The following TSPAN9 variants were observed in gnomAD, a reference collection of about 807,000 sequenced individuals.
The protein encoded by TSPAN9 is tetraspanin-9.
A neutral mutation model predicts 31.0 loss-of-function variants in TSPAN9; 16 were observed. The ratio of observed to expected loss-of-function variants is 0.52; its 90% CI spans 0.35 to 0.78. The LOEUF (loss-of-function observed/expected upper bound fraction) is 0.78. Ranked by LOEUF, TSPAN9 falls within the 30% of genes least tolerant of loss-of-function variation. TSPAN9 has a pLI of 0.01. For missense variants in TSPAN9, 272 were observed against 312.5 expected (o/e 0.87, Z 0.98); for synonymous variants, 145 against 121.6 (o/e 1.19, Z -1.27).
intron 2 of TSPAN9, among the ~76,000 whole-genome samples, chr12:3,109,216 G>A (rs1218360199): frequency 4.6e-5 from 7 of 151,410 alleles, no homozygotes; most frequent in East Asian, 3.9e-4. Context: ...GATTACAGGT[G>A]TGAGCCACCG....
intron 3 of TSPAN9, among the ~76,000 whole-genome samples, chr12:3,216,283 A>G (rs1029855738): frequency 6.6e-6 from 1 of 152,234 alleles, no homozygotes; most frequent in African/African-American, 2.4e-5. Context: ...CTAAGCAGCC[A>G]GATGGCTTTT....
chr12:3,122,658 G>A (rs553404173), intron 2 of TSPAN9, among the ~76,000 whole-genome samples: 1 of 152,250 alleles, frequency 6.6e-6, no homozygotes, highest in Admixed American at 6.5e-5. Flanking sequence ...TAACAGAGAG[G>A]TTTGAGTCCC....
At chr12:3,233,415 T>A (rs1293576051) in intron 3 of TSPAN9, among the ~76,000 whole-genome samples, 1 of 152,194 alleles carries the variant, frequency 6.6e-6, no homozygotes, top group Non-Finnish European at 1.5e-5. Context: ...AGGGCACCCT[T>A]CTCCTGAGGG....
intron 2 of TSPAN9, among the ~76,000 whole-genome samples, chr12:3,184,928 G>A (rs1197038345): frequency 6.6e-6 from 1 of 152,182 alleles, no homozygotes; most frequent in Admixed American, 6.5e-5. Flanking sequence ...TGCAATGGCA[G>A]ACTTCCTCCC....
At chr12:3,225,284 G>C (rs111545595) in intron 3 of TSPAN9, among the ~76,000 whole-genome samples, 13 of 152,094 alleles carry the variant, frequency 8.5e-5, no homozygotes, top group Non-Finnish European at 1.5e-4. Flanking sequence ...TGGTGTCTCT[G>C]TACCCTTAGC....
In TSPAN9 at chr12:3,145,822, A is replaced by G. The variant is rs1285648013; in HGVS notation, c.-17-55355A>G. Among the ~76,000 whole-genome samples, 6 of 152,242 alleles carry G rather than the reference A, an allele frequency of 3.9e-5. No homozygotes were observed. In the East Asian group the frequency reaches 1.2e-3, roughly 29 times the overall value. ...GTCAGGCTGGGAAATCGGAAATGAA[A>G]GGCCTGGCGTGGTGGCCAGCAAAAC... On this transcript the variant is annotated intron_variant, in intron 2 of 8. Coordinates refer to ENST00000011898, the MANE Select transcript of TSPAN9 (RefSeq NM_006675.5).
chr12:3,256,446 C>T (rs573129519), intron 3 of TSPAN9, among the ~76,000 whole-genome samples: 5 of 152,222 alleles, frequency 3.3e-5, no homozygotes, highest in Non-Finnish European at 4.4e-5. Flanking sequence ...CCGGGCACCA[C>T]ATTGGGGTGG....
In TSPAN9 at chr12:3,190,657, T is replaced by C. The variant is rs114402621; in HGVS notation, c.-17-10520T>C. Among the ~76,000 whole-genome samples the C allele has an allele frequency of 4.2e-3, 639 of 152,310 alleles. 4 individuals carry two copies. Among genetic ancestry groups the C allele is most frequent in the African/African-American group, 0.014 (600 of 41,562 alleles). Reference sequence around the variant, plus strand: ...AGGCAGACTATCAGCCCCGTTCTTCTAGGGCCCAATCTCTGCTGCCCCCTC... The same window carrying C: ...AGGCAGACTATCAGCCCCGTTCTTCCAGGGCCCAATCTCTGCTGCCCCCTC... On this transcript the variant is annotated intron_variant, in intron 2 of 8. Coordinates refer to ENST00000011898, the MANE Select transcript of TSPAN9 (RefSeq NM_006675.5).
At chr12:3,185,157 AT>A (rs1440042214) in intron 2 of TSPAN9, among the ~76,000 whole-genome samples, 2 of 152,180 alleles carry the variant, frequency 1.3e-5, no homozygotes, top group Non-Finnish European at 2.9e-5. Flanking sequence ...GCAAGTATTT[AT>A]TGAGTGTGGC....
At chr12:3,105,879 CAT>C (rs965449171) in intron 2 of TSPAN9, among the ~76,000 whole-genome samples, 2 of 152,048 alleles carry the variant, frequency 1.3e-5, no homozygotes, top group Non-Finnish European at 2.9e-5. Context: ...CTCACACACA[CAT>C]GCACACATGG....
chr12:3,091,716 G>A (rs1187542133), intron 2 of TSPAN9, among the ~76,000 whole-genome samples: 4 of 152,162 alleles, frequency 2.6e-5, no homozygotes, highest in Non-Finnish European at 5.9e-5. Flanking sequence ...GTGTTTTATT[G>A]TCTCCCTGCT....
chr12:3,185,048 T>C (rs891621825), intron 2 of TSPAN9, among the ~76,000 whole-genome samples: 3 of 152,180 alleles, frequency 2.0e-5, no homozygotes, highest in Admixed American at 6.5e-5. Flanking sequence ...ACACAGATAA[T>C]AACGAGGCTC....
chr12:3,088,454 G>A (rs908649811), intron 2 of TSPAN9, among the ~76,000 whole-genome samples: 1 of 152,204 alleles, frequency 6.6e-6, no homozygotes, highest in Non-Finnish European at 1.5e-5. Context: ...GGTGGGGCTG[G>A]GGGGGAAGCT....
At chr12:3,086,770 C>T (rs752499564) in intron 2 of TSPAN9, among the ~76,000 whole-genome samples, 1 of 152,212 alleles carries the variant, frequency 6.6e-6, no homozygotes, top group Non-Finnish European at 1.5e-5. Context: ...TGAAAAATGG[C>T]CCTTCTTCAG....
chr12:3,192,071 C>T lies in TSPAN9; in HGVS notation c.-17-9106C>T, dbSNP rs1020104177. ...GGAGGCTCTGAGGAGGTCAGAGCAC[C>T]GAGAGTTCACGGCTGTGGCAATAAT... On this transcript the variant is annotated intron_variant, in intron 2 of 8. Transcript: ENST00000011898. The surrounding 1 kb of genome is among the most constrained non-coding windows in gnomAD (Gnocchi z 4.6). Among the ~76,000 whole-genome samples the T allele has an allele frequency of 7.9e-5, 12 of 151,964 alleles. No individual in the cohort carries two copies. Among genetic ancestry groups the T allele is most frequent in the Non-Finnish European group, 1.2e-4 (8 of 68,004 alleles).
chr12:3,087,022 G>C (rs2098300869), intron 2 of TSPAN9, among the ~76,000 whole-genome samples: 1 of 152,228 alleles, frequency 6.6e-6, no homozygotes, highest in African/African-American at 2.4e-5. Flanking sequence ...TGAGGACAGT[G>C]AACAGGTGAG....
chr12:3,255,179 T>C (rs1862322745), intron 3 of TSPAN9, among the ~76,000 whole-genome samples: 2 of 152,256 alleles, frequency 1.3e-5, no homozygotes, highest in Admixed American at 1.3e-4. Flanking sequence ...ACAGTCAACC[T>C]TGGGCCTTCC....
At chr12:3,188,532 C>T (rs571288843) in intron 2 of TSPAN9, among the ~76,000 whole-genome samples, 1 of 152,200 alleles carries the variant, frequency 6.6e-6, no homozygotes, top group African/African-American at 2.4e-5. Context: ...TCCGGCTGGC[C>T]GTGGCTTCGG....
rs34675914 is a variant in TSPAN9, at chr12:3,079,771, AT to A, written c.-85+2336del. On this transcript the variant is annotated intron_variant, in intron 1 of 8. Coordinates refer to ENST00000011898, the MANE Select transcript of TSPAN9 (RefSeq NM_006675.5). Reference sequence around the variant, plus strand: ...ACCACCGTACTTAGCCCCTTCTTCTATTTTTTTTTTTTTTTTTTAGAGACAG... The same window carrying A: ...ACCACCGTACTTAGCCCCTTCTTCTATTTTTTTTTTTTTTTTTAGAGACAG... Among the ~76,000 whole-genome samples, 613 of 129,650 alleles carry A rather than the reference AT, an allele frequency of 4.7e-3. 6 individuals carry two copies. The highest frequency in any genetic ancestry group is 0.013 in the African/African-American group (448 of 34,640). 85.1% of individuals were successfully genotyped at this position (129,650 alleles called of 152,430 possible). A position where few individuals can be genotyped will look rare whatever the true frequency, so the allele number is the denominator to read the frequency against.
Sources: gnomAD v4.1 joint callset for allele counts (sites outside exome capture counted in the v4.1 genomes callset) on GRCh38, gnomAD v4.1.1 for gene constraint, Gnocchi (gnomAD v3.1) non-coding constraint, MANE v1.5 for transcripts, NCBI Gene and HGNC (gene_info 2026-07-23, HGNC 2026-07-21) for gene names.